The following SND1 variants were observed in gnomAD, a reference collection of about 807,000 sequenced individuals.
The protein encoded by SND1 is staphylococcal nuclease and tudor domain containing 1, also known as staphylococcal nuclease domain-containing protein 1.
Under a neutral mutation model 121.7 loss-of-function variants are expected in SND1, and 38 were observed. That is an observed-to-expected ratio of 0.31 (90% CI 0.24 to 0.41). The LOEUF (loss-of-function observed/expected upper bound fraction) is 0.41, where lower values mean the gene tolerates loss of function less well. Ranked by LOEUF, SND1 falls within the 10% of genes least tolerant of loss-of-function variation. The probability of loss-of-function intolerance (pLI) is 1.00; values close to 1 mark genes in which losing one functional copy is unlikely to be tolerated. For synonymous variants in SND1, 401 were observed against 447.4 expected (o/e 0.90, Z 1.31); for missense variants, 868 against 1,184.6 (o/e 0.73, Z 3.92).
In SND1 at chr7:127,702,365, TTTGA is replaced by T. The variant is rs1161677637; in HGVS notation, c.590-66_590-63del. The stretch of plus-strand genomic sequence containing the variant: ...GGAGAGGAAACTGTGTTAAGTGCAG[TTTGA>T]TTGGGCAGTGTTTATCCTTGTTAGG... On this transcript the variant is annotated intron_variant, in intron 5 of 23. Transcript: ENST00000354725. 24 of 1,419,208 alleles carry T rather than the reference TTTGA, an allele frequency of 1.7e-5. No individual in the cohort carries two copies. In the South Asian group the frequency reaches 2.5e-4, roughly 15 times the overall value. 87.9% of individuals were successfully genotyped at this position (1,419,208 alleles called of 1,614,324 possible). A position where few individuals can be genotyped will look rare whatever the true frequency, so the allele number is the denominator to read the frequency against.
intron 16 of SND1, among the ~76,000 whole-genome samples, chr7:128,011,629 T>A (rs888367764): frequency 6.6e-6 from 1 of 152,194 alleles, no homozygotes; most frequent in Non-Finnish European, 1.5e-5. Context: ...TTAGGAAAGC[T>A]ACTAATGCCT....
intron 3 of SND1, among the ~76,000 whole-genome samples, chr7:127,698,329 C>T (rs1472459898): frequency 1.3e-5 from 2 of 152,164 alleles, no homozygotes; most frequent in Non-Finnish European, 2.9e-5. Flanking sequence ...TGATCGTACA[C>T]GGTGAAGGGA....
chr7:127,865,816 A>T (rs1246231842), intron 12 of SND1, among the ~76,000 whole-genome samples: 1 of 149,308 alleles, frequency 6.7e-6, no homozygotes, highest in Admixed American at 6.7e-5. Flanking sequence ...GGGTCTTGCT[A>T]TGTTGCCCAG....
intron 17 of SND1, among the ~76,000 whole-genome samples, chr7:128,078,693 A>G (rs940361841): frequency 5.9e-5 from 9 of 152,230 alleles, no homozygotes; most frequent in Admixed American, 5.2e-4. Flanking sequence ...CTTTTACTTG[A>G]GGAGTCTTTA....
intron 15 of SND1, among the ~76,000 whole-genome samples, chr7:127,952,758 C>T (rs1034873000): frequency 2.0e-5 from 3 of 152,290 alleles, no homozygotes; most frequent in Non-Finnish European, 4.4e-5. Flanking sequence ...CCATAATTAA[C>T]GTGAACATTT....
chr7:127,712,931 A>AG (rs1317233358), intron 9 of SND1, among the ~76,000 whole-genome samples: 1 of 152,236 alleles, frequency 6.6e-6, no homozygotes, highest in East Asian at 1.9e-4. Context: ...TTCGTTATTT[A>AG]GAAAGTGGAA....
intron 16 of SND1, among the ~76,000 whole-genome samples, chr7:128,034,236 T>C (rs1372083751): frequency 6.6e-6 from 1 of 152,018 alleles, no homozygotes; most frequent in East Asian, 1.9e-4. Context: ...CAGTGAAGGA[T>C]GTGTCAGAGA....
intron 16 of SND1, among the ~76,000 whole-genome samples, chr7:128,072,190 G>A (rs1394598896): frequency 6.6e-6 from 1 of 152,190 alleles, no homozygotes; most frequent in African/African-American, 2.4e-5. Context: ...CAGCAACTGT[G>A]CGTGCCTGGT....
At chr7:127,655,561 T>C (rs1795195643) in intron 1 of SND1, among the ~76,000 whole-genome samples, 1 of 152,242 alleles carries the variant, frequency 6.6e-6, no homozygotes, top group Non-Finnish European at 1.5e-5. Flanking sequence ...CTAGCAAGTA[T>C]GTGGGTGGAC....
chr7:127,986,145 G>A (rs919324566), intron 15 of SND1, among the ~76,000 whole-genome samples: 43 of 152,148 alleles, frequency 2.8e-4, no homozygotes, highest in Non-Finnish European at 4.9e-4. Context: ...TACTCAGAGC[G>A]ATACATAAGT....
chr7:127,876,742 G>T (rs543816037), intron 12 of SND1, among the ~76,000 whole-genome samples: 1 of 152,166 alleles, frequency 6.6e-6, no homozygotes, highest in South Asian at 2.1e-4. Context: ...TATTTGATTG[G>T]TCTAATCTTA....
chr7:127,990,462 A>G (rs1802494725), intron 15 of SND1, among the ~76,000 whole-genome samples: 1 of 152,212 alleles, frequency 6.6e-6, no homozygotes, highest in Non-Finnish European at 1.5e-5. Flanking sequence ...GAAAAGTGAC[A>G]CTGAATTAAC....
At chr7:127,690,376 G>A (rs1795892491) in intron 2 of SND1, among the ~76,000 whole-genome samples, 1 of 152,156 alleles carries the variant, frequency 6.6e-6, no homozygotes, top group Non-Finnish European at 1.5e-5. Flanking sequence ...CTTCCTACAG[G>A]CTGGGGTCCT....
chr7:127,734,689 G>A (rs144733889), intron 10 of SND1, among the ~76,000 whole-genome samples: 266 of 152,290 alleles, frequency 1.7e-3, no homozygotes, highest in African/African-American at 6.1e-3. Flanking sequence ...CTAACACAGT[G>A]TGCAGGTTTA....
intron 16 of SND1, chr7:127,998,056 G>A (rs368313339): frequency 9.9e-6 from 5 of 505,530 alleles, no homozygotes; most frequent in African/African-American, 9.7e-5. Context: ...CAGGAACCAT[G>A]TTTTGTCTTT....
chr7:127,832,897 G>A (rs1563028946), intron 11 of SND1, among the ~76,000 whole-genome samples: 2 of 152,182 alleles, frequency 1.3e-5, no homozygotes, highest in Non-Finnish European at 2.9e-5. Flanking sequence ...TGAACTACAC[G>A]TGCGAGGGAT....
At chr7:127,982,728 G>A (rs1478413775) in intron 15 of SND1, among the ~76,000 whole-genome samples, 4 of 152,112 alleles carry the variant, frequency 2.6e-5, no homozygotes, top group Non-Finnish European at 5.9e-5. Context: ...GGAAATATAC[G>A]CCCTAAGTGA....
intron 1 of SND1, among the ~76,000 whole-genome samples, chr7:127,683,195 G>A (rs537434573): frequency 6.6e-6 from 1 of 152,054 alleles, no homozygotes; most frequent in Admixed American, 6.6e-5. Context: ...ATAGCAAAAA[G>A]GAGGTGTAGT....
chr7:127,778,396 A>G lies in SND1; in HGVS notation c.1153-29088A>G, dbSNP rs369931312. Among the ~76,000 whole-genome samples, 4 of 152,080 alleles carry G rather than the reference A, an allele frequency of 2.6e-5. No homozygotes were observed. In the East Asian group the frequency reaches 5.8e-4, roughly 22 times the overall value. On this transcript the variant is annotated intron_variant, in intron 10 of 23. Coordinates refer to ENST00000354725, the MANE Select transcript of SND1 (RefSeq NM_014390.4). ...ATATTTTTAGTAGAGACAGGGTTTC[A>G]CCATTTTGGCCAGGATGGTCTCGAT... is the stretch of plus-strand genomic sequence containing the variant.
Sources: gnomAD v4.1 joint callset for allele counts (sites outside exome capture counted in the v4.1 genomes callset) on GRCh38, gnomAD v4.1.1 for gene constraint, MANE v1.5 for transcripts, NCBI Gene and HGNC (gene_info 2026-07-23, HGNC 2026-07-21) for gene names.